ROR2: variants seen among roughly 807,000 people sequenced by gnomAD.
The protein encoded by ROR2 is tyrosine-protein kinase transmembrane receptor ROR2.
Under a neutral mutation model 74.9 loss-of-function variants are expected in ROR2, and 33 were observed. That is an observed-to-expected ratio of 0.44 (90% confidence interval 0.33 to 0.59). The LOEUF is 0.59. ROR2 is among the 20% of genes least tolerant of loss of function. The pLI is 0.02. For missense variants in ROR2, 1,216 were observed against 1,313.8 expected, an observed-to-expected ratio of 0.93 and a Z score of 1.15; for synonymous variants, 586 against 558.7, an observed-to-expected ratio of 1.05 and a Z score of -0.69.
intron 1 of ROR2, among the ~76,000 whole-genome samples, chr9:91,919,312 T>C (rs1831211512): frequency 6.6e-6 from 1 of 152,226 alleles, no homozygotes; most frequent in African/African-American, 2.4e-5. Context: ...TAAAATATGG[T>C]ATGCCTTGGA....
intron 1 of ROR2, among the ~76,000 whole-genome samples, chr9:91,831,304 G>A (rs1438175739): frequency 2.6e-5 from 4 of 151,948 alleles, no homozygotes; most frequent in East Asian, 1.9e-4. Flanking sequence ...CTTTTGTAAC[G>A]TAAGTTTGTT....
At chr9:91,787,072 A>G (rs1826827688) in intron 1 of ROR2, among the ~76,000 whole-genome samples, 1 of 152,220 alleles carries the variant, frequency 6.6e-6, no homozygotes, top group African/African-American at 2.4e-5. Context: ...GCTGGACAGC[A>G]TGTCATCTCC....
At chr9:91,801,186 T>C (rs1827364868) in intron 1 of ROR2, among the ~76,000 whole-genome samples, 1 of 152,084 alleles carries the variant, frequency 6.6e-6, no homozygotes, top group South Asian at 2.1e-4. Context: ...CCCAAACCCC[T>C]CTGTCTTGCC....
intron 1 of ROR2, among the ~76,000 whole-genome samples, chr9:91,839,764 T>G (rs1828729067): frequency 6.6e-6 from 1 of 151,728 alleles, no homozygotes; most frequent in Admixed American, 6.6e-5. Flanking sequence ...CATACATGTG[T>G]GTCTGCCTCT....
At chr9:91,746,849 C>T (rs1825435962) in intron 4 of ROR2, among the ~76,000 whole-genome samples, 1 of 125,356 alleles carries the variant, frequency 8.0e-6, no homozygotes, top group South Asian at 2.8e-4. Context: ...ACACACTTTC[C>T]TTGAGCAGGT....
chr9:91,946,133 C>T (rs576994642), intron 1 of ROR2, among the ~76,000 whole-genome samples: 8 of 152,318 alleles, frequency 5.3e-5, no homozygotes, highest in South Asian at 2.1e-4. Context: ...CCAACAGTCC[C>T]TTCATGAAAT....
intron 1 of ROR2, among the ~76,000 whole-genome samples, chr9:91,881,950 G>A (rs1398905205): frequency 6.6e-6 from 1 of 152,222 alleles, no homozygotes; most frequent in East Asian, 1.9e-4. Flanking sequence ...AGCAGTATGT[G>A]TCGGGCATCT....
rs530081761 is a variant in ROR2 at position 91,905,712 on chromosome 9, C to G, written c.97+44155G>C. ...TCTTTTTAGAAGACCACAAACCCCA[C>G]TACATGGTAGATAAATGGGGGTGGG... is the stretch of plus-strand genomic sequence containing the variant. On this transcript the variant is annotated intron_variant, in intron 1 of 8. Transcript: ENST00000375708. The surrounding 1 kb of genome is among the most constrained non-coding windows in gnomAD (Gnocchi z 5.3). Among the ~76,000 whole-genome samples the G allele has an allele frequency of 2.3e-4, 34 of 145,490 alleles. No homozygotes were observed. The highest frequency in any genetic ancestry group is 8.2e-4 in the African/African-American group (32 of 38,880).
At chr9:91,854,099 T>C (rs1829199582) in intron 1 of ROR2, among the ~76,000 whole-genome samples, 1 of 152,156 alleles carries the variant, frequency 6.6e-6, no homozygotes, top group Admixed American at 6.5e-5. Flanking sequence ...CGCAAGACAC[T>C]GGGCCCCTGT....
Position 91,724,525 on chromosome 9 carries a change from G to A in ROR2, c.1969C>T (p.Arg657Cys), listed in dbSNP as rs753875871. 1.9e-6 allele frequency: 3 copies of A among 1,614,168 alleles called. No individual in the cohort carries two copies. Among genetic ancestry groups the A allele is most frequent in the Admixed American group, 1.7e-5 (1 of 60,032 alleles). The change falls in exon 9 of 9, where the codon CGC becomes TGC. Residue 657 changes from arginine (R) to cysteine (C), a missense_variant. Arg to Cys is a radical substitution (Grantham distance 180). Coordinates refer to ENST00000375708, the MANE Select transcript of ROR2 (RefSeq NM_004560.4). ...KLLGNSLLPI[R>C]WMAPEAIMYG... is the part of the protein sequence containing the mutation. Reference sequence around the variant, plus strand: ...ATGATGGCCTCTGGGGCCATCCAGCGGATAGGCAGCAGCGAGTTCCCCAGC... The same window carrying A: ...ATGATGGCCTCTGGGGCCATCCAGCAGATAGGCAGCAGCGAGTTCCCCAGC...
At chr9:91,730,655 T>C (rs762637272) in intron 7 of ROR2, among the ~76,000 whole-genome samples, 1 of 152,210 alleles carries the variant, frequency 6.6e-6, no homozygotes, top group Non-Finnish European at 1.5e-5. Context: ...GGTTTCACCA[T>C]GTTGACCAGG....
chr9:91,910,270 T>C (rs1830942303), intron 1 of ROR2, among the ~76,000 whole-genome samples: 2 of 152,170 alleles, frequency 1.3e-5, no homozygotes, highest in South Asian at 2.1e-4. Flanking sequence ...AGACTGGAGA[T>C]TGAATTGATG....
At chr9:91,870,985 G>GT (rs1829779094) in intron 1 of ROR2, among the ~76,000 whole-genome samples, 3 of 152,216 alleles carry the variant, frequency 2.0e-5, no homozygotes, top group Admixed American at 1.3e-4. Flanking sequence ...ATTAAAAATA[G>GT]TATTGTTCTA....
chr9:91,844,381 C>T (rs16907877), intron 1 of ROR2, among the ~76,000 whole-genome samples: 18,883 of 151,928 alleles, frequency 0.12, 2,648 homozygotes, highest in African/African-American at 0.35. Context: ...CACAGACCAG[C>T]GCTTGTTCCT....
chr9:91,854,008 T>TA (rs1554683559), intron 1 of ROR2, among the ~76,000 whole-genome samples: 1 of 151,808 alleles, frequency 6.6e-6, no homozygotes, highest in Admixed American at 6.6e-5. Context: ...CAGGGGGCCC[T>TA]GAAGTGGAGT....
chr9:91,808,320 T>G (rs1207294103), intron 1 of ROR2, among the ~76,000 whole-genome samples: 6 of 152,328 alleles, frequency 3.9e-5, no homozygotes, highest in African/African-American at 1.4e-4. Flanking sequence ...TTCCAATCAG[T>G]AAGCCTCTCC....
rs187368635 is a variant in ROR2 at position 91,740,276 on chromosome 9, C to T, written c.495-2758G>A. On this transcript the variant is annotated intron_variant, in intron 4 of 8. Coordinates refer to ENST00000375708, the MANE Select transcript of ROR2 (RefSeq NM_004560.4). ...GAATAGACAATATCCAGGCTGGGCGCGGTGGCTCAAACCTGTAATCCCAGC... is the reference window on the plus strand; with the variant it reads ...GAATAGACAATATCCAGGCTGGGCGTGGTGGCTCAAACCTGTAATCCCAGC... Among the ~76,000 whole-genome samples, 876 of 152,118 alleles carry T rather than the reference C, an allele frequency of 5.8e-3. 7 individuals carry two copies. Among genetic ancestry groups the T allele is most frequent in the African/African-American group, 0.019 (781 of 41,490 alleles).
At chr9:91,752,653 T>C (rs1267952197) in intron 4 of ROR2, among the ~76,000 whole-genome samples, 4 of 152,374 alleles carry the variant, frequency 2.6e-5, no homozygotes, top group Admixed American at 1.3e-4. Context: ...GGTGTTTCGA[T>C]TGCAGAGATT....
At chr9:91,787,118 C>T (rs1201287032) in intron 1 of ROR2, among the ~76,000 whole-genome samples, 1 of 152,192 alleles carries the variant, frequency 6.6e-6, no homozygotes, top group Non-Finnish European at 1.5e-5. Flanking sequence ...GTGTCAGAAA[C>T]ACAGGCAAGG....
Sources: allele counts gnomAD v4.1 joint callset (sites outside exome capture counted in the v4.1 genomes callset), GRCh38; gene constraint gnomAD v4.1.1; non-coding constraint Gnocchi (gnomAD v3.1); transcripts MANE v1.5; gene names NCBI Gene and HGNC (gene_info 2026-07-23, HGNC 2026-07-21).